Variants in PAPLN observed in about 807,000 individuals in gnomAD.
The protein encoded by PAPLN is papilin.
PAPLN carries 146 observed loss-of-function variants against 159.0 expected under a neutral mutation model. That is an observed-to-expected ratio of 0.92 (90% CI 0.80 to 1.05). The LOEUF (loss-of-function observed/expected upper bound fraction) is 1.05, where lower values mean the gene tolerates loss of function less well. Among genes scored for constraint, PAPLN ranks in the 50% least tolerant of loss-of-function variants. The pLI is 0.00. For synonymous variants in PAPLN, 734 were observed against 702.9 expected (o/e 1.04, Z -0.70); for missense variants, 1,720 against 1,743.9 (o/e 0.99, Z 0.24).
At position 73,259,277 on chromosome 14, in the gene PAPLN, G is replaced by A. The variant is rs756144793; in HGVS notation, c.1717G>A (p.Gly573Ser). ...PQESPASDSRGQWWAAQEHPS... is the reference protein window; with the variant it reads ...PQESPASDSRSQWWAAQEHPS... ...TTGCTTCTTCTTTCTAGACTCCAGA[G>A]GCCAGTGGTGGGCAGCCCAGGAACA... The change falls in exon 16 of 27, where the codon GGC becomes AGC. Residue 573 changes from glycine (G) to serine (S), a missense_variant. Gly to Ser is a moderately conservative substitution (Grantham distance 56). Transcript: ENST00000644200. 1.3e-5 allele frequency: 20 copies of A among 1,560,000 alleles called. No homozygotes were observed. In the East Asian group the frequency reaches 4.1e-4, roughly 32 times the overall value.
intron 26 of PAPLN, among the ~76,000 whole-genome samples, chr14:73,269,845 C>A (rs968556663): frequency 1.3e-5 from 2 of 148,382 alleles, no homozygotes; most frequent in Non-Finnish European, 3.0e-5. Flanking sequence ...GCCAGGAGCA[C>A]GGTTACACTC....
Position 73,259,360 on chromosome 14 carries a change from C to A in PAPLN, c.1800C>A (p.Gly600=), listed in dbSNP as rs1247156902. 1.9e-6 allele frequency: 3 copies of A among 1,612,084 alleles called. No homozygotes were observed. In the African/African-American group the frequency reaches 4.0e-5, roughly 22 times the overall value. The change falls in exon 16 of 27, where the codon GGC becomes GGA. Residue 600 remains glycine, a synonymous_variant. Coordinates refer to ENST00000644200, the MANE Select transcript of PAPLN (RefSeq NM_001365906.3). The stretch of plus-strand genomic sequence containing the variant: ...GAGGTGACCCCAGGGGCGACCAAGG[C>A]ACCCACCTGTCAGCCCTGGGCCCCG... ...GERGDPRGDQ[G]THLSALGPAP... is the part of the protein sequence containing the mutation.
At chr14:73,260,882 C>T in intron 17 of PAPLN, 53 bp downstream of exon 17, 1 of 1,492,144 alleles carries the variant, frequency 6.7e-7, no homozygotes. Context: ...TGAGCCTGCT[C>T]AGTGTCACTG....
Position 73,272,630 on chromosome 14 carries a change from G to GT in PAPLN, c.3806dup (p.Gln1270ProfsTer22), listed in dbSNP as rs1566715290. ...AGCTTCTGCTGTGCCAGCTGTTCAC[G>GT]TTTCCAGCCTCACGCTCAGCCCATC... On this transcript the variant is annotated frameshift_variant, in exon 27 of 27. Coordinates refer to ENST00000644200, the MANE Select transcript of PAPLN (RefSeq NM_001365906.3). LOFTEE classifies it high-confidence loss of function. The GT allele has an allele frequency of 6.3e-7, 1 of 1,591,714 alleles. No homozygotes were observed.
At chr14:73,263,325 G>A (rs976812458) in intron 19 of PAPLN, 36 of 485,852 alleles carry the variant, frequency 7.4e-5, no homozygotes, top group East Asian at 6.4e-4. Context: ...TGGGTCGAGC[G>A]TGTAGTTTAG....
rs1174406470 is a variant in PAPLN, at chr14:73,254,685, C to T, written c.1475C>T (p.Thr492Ile). ...LLSDQAWHVG[T>I]WGLCSKSCSS... ...AGTGACCAGGCCTGGCATGTTGGCACCTGGGGTCTAGTGAGTGCTCTCCAC... is the reference window on the plus strand; with the variant it reads ...AGTGACCAGGCCTGGCATGTTGGCATCTGGGGTCTAGTGAGTGCTCTCCAC... The change falls in exon 13 of 27, where the codon ACC becomes ATC. Residue 492 changes from threonine (T) to isoleucine (I), a missense_variant. Coordinates refer to ENST00000644200, the MANE Select transcript of PAPLN (RefSeq NM_001365906.3). 6.2e-7 allele frequency: 1 copy of T among 1,613,618 alleles called. No individual in the cohort carries two copies. Among genetic ancestry groups the T allele is most frequent in the African/African-American group, 1.3e-5 (1 of 74,908 alleles).
In PAPLN at chr14:73,268,682, A is replaced by T; in HGVS notation, c.3626A>T (p.Gln1209Leu). ...SYTCSAYQGS[Q>L]AVSRSTEVKV... ...ACGTGCAGTGCCTACCAGGGGAGCC[A>T]GGCAGTCAGCCGCAGCACCGAGGTG... Residue 1209 changes from glutamine to leucine, a missense_variant, in exon 26 of 27, where the codon CAG (glutamine) becomes CTG (leucine). By Grantham distance (113) the Gln-to-Leu change is moderately radical. Coordinates refer to ENST00000644200, the MANE Select transcript of PAPLN (RefSeq NM_001365906.3). 1 of 1,613,674 alleles carries T rather than the reference A, an allele frequency of 6.2e-7. No homozygotes were observed. Among genetic ancestry groups the T allele is most frequent in the South Asian group, 1.1e-5 (1 of 91,034 alleles).
intron 14 of PAPLN, among the ~76,000 whole-genome samples, chr14:73,257,410 A>ACGG (rs1555363032): frequency 5.3e-5 from 8 of 151,774 alleles, no homozygotes; most frequent in African/African-American, 1.9e-4. Flanking sequence ...GCATTATTTC[A>ACGG]GGGGGGGTCC....
rs199674160 is a variant in PAPLN at position 73,251,792 on chromosome 14, C to G, written c.799C>G (p.Arg267Gly). The change falls in exon 9 of 27, where the codon CGA (arginine) becomes GGA (glycine). Residue 267 changes from arginine (R) to glycine (G), a missense_variant. Arg to Gly is a moderately radical substitution (Grantham distance 125). Coordinates refer to ENST00000644200, the MANE Select transcript of PAPLN (RefSeq NM_001365906.3). Reference sequence around the variant, plus strand: ...TGCTGAGGGGGACCTGGCCCCTGAGCGACTCCATGCCCGGGGCCCCACCTC... The same window carrying G: ...TGCTGAGGGGGACCTGGCCCCTGAGGGACTCCATGCCCGGGGCCCCACCTC... The part of the protein sequence containing the change: ...RGAEGDLAPE[R>G]LHARGPTSEP... 1.2e-6 allele frequency: 2 copies of G among 1,605,760 alleles called. No individual in the cohort carries two copies. Among genetic ancestry groups the G allele is most frequent in the Non-Finnish European group, 1.7e-6 (2 of 1,177,456 alleles).
At chr14:73,249,795 A>T in intron 5 of PAPLN, 189 bp from the exon 6 acceptor site, 1 of 431,712 alleles carries the variant, frequency 2.3e-6, no homozygotes, top group African/African-American at 2.1e-5. Context: ...CTTCGACTTG[A>T]TCCTTAGAGG....
intron 5 of PAPLN, among the ~76,000 whole-genome samples, chr14:73,247,950 C>A (rs1884727803): frequency 1.3e-5 from 1 of 79,404 alleles, no homozygotes; most frequent in Non-Finnish European, 2.3e-5. Context: ...GGGACCGTGG[C>A]TGTGGGCATG....
intron 25 of PAPLN, 124 bp downstream of exon 25, chr14:73,266,955 C>T (rs1887276899): frequency 1.1e-6 from 1 of 930,002 alleles, no homozygotes; most frequent in Non-Finnish European, 1.7e-6. Flanking sequence ...AGGCCTGGTG[C>T]CAGGGGAGAG....
chr14:73,248,114 T>G (rs1171410944), intron 5 of PAPLN, among the ~76,000 whole-genome samples: 1 of 121,030 alleles, frequency 8.3e-6, no homozygotes, highest in Non-Finnish European at 1.7e-5. Flanking sequence ...TGTGCGCGTG[T>G]GTGTGTTGTG....
At chr14:73,256,532 C>CAAAAA (rs57667060) in intron 14 of PAPLN, among the ~76,000 whole-genome samples, 18 of 92,696 alleles carry the variant, frequency 1.9e-4, no homozygotes, top group East Asian at 5.9e-4. Context: ...GACTCTGTCT[C>CAAAAA]AAAAAAAAAA....
At position 73,254,550 on chromosome 14, in the gene PAPLN, G is replaced by C. The variant is rs1472091501; in HGVS notation, c.1340G>C (p.Ser447Thr). ...VSCGVGVRKR[S>T]VTCRGERGSL... is the part of the protein sequence containing the mutation. ...TGTGGCGTTGGCGTCCGGAAGCGGA[G>C]CGTTACTTGCCGGGGTGAAAGGGGT... Residue 447 changes from serine to threonine, a missense_variant, in exon 13 of 27, where the codon AGC becomes ACC. Ser to Thr is a moderately conservative substitution (Grantham distance 58). Transcript: ENST00000644200. The C allele has an allele frequency of 2.5e-6, 4 of 1,613,938 alleles. No homozygotes were observed. Among genetic ancestry groups the C allele is most frequent in the Non-Finnish European group, 3.4e-6 (4 of 1,179,938 alleles).
chr14:73,254,381 C>G, intron 12 of PAPLN, 132 bp from the exon 13 acceptor site: 1 of 1,145,410 alleles, frequency 8.7e-7, no homozygotes. Context: ...GTCAGCCTCT[C>G]TGGGCCTGGG....
Position 73,254,621 on chromosome 14 carries a change from C to G in PAPLN, c.1411C>G (p.Leu471Val). Residue 471 changes from leucine (L) to valine (V), a missense_variant, in exon 13 of 27, where the codon CTG becomes GTG. Transcript: ENST00000644200. Reference protein sequence around the residue: ...AACSLEDRPPLTEPCVHEDCP... With the variant: ...AACSLEDRPPVTEPCVHEDCP... ...GTGCTCCTTGGAAGACCGGCCACCT[C>G]TGACTGAGCCCTGTGTGCATGAGGA... 6.2e-7 allele frequency: 1 copy of G among 1,614,058 alleles called. No homozygotes were observed. Among genetic ancestry groups the G allele is most frequent in the Non-Finnish European group, 8.5e-7 (1 of 1,179,936 alleles).
rs143213374 is a variant in PAPLN, at chr14:73,254,540, C to T, written c.1330C>T (p.Arg444Trp). 422 of 1,613,886 alleles carry T rather than the reference C, an allele frequency of 2.6e-4. No homozygotes were observed. The highest frequency in any genetic ancestry group is 7.4e-4 in the South Asian group (67 of 91,092). Residue 444 changes from arginine to tryptophan, a missense_variant, in exon 13 of 27, where the codon CGG becomes TGG. Transcript: ENST00000644200. The stretch of plus-strand genomic sequence containing the variant: ...TTCTGTCAGTTGTGGCGTTGGCGTC[C>T]GGAAGCGGAGCGTTACTTGCCGGGG... Reference protein sequence around the residue: ...ECSVSCGVGVRKRSVTCRGER... With the variant: ...ECSVSCGVGVWKRSVTCRGER...
chr14:73,265,655 G>T lies in PAPLN; in HGVS notation c.3263+148G>T. On this transcript the variant is annotated intron_variant, in intron 23 of 26. Coordinates refer to ENST00000644200, the MANE Select transcript of PAPLN (RefSeq NM_001365906.3). This position sits in a 1 kb window ranked among gnomAD's most constrained non-coding sequence, Gnocchi z 4.1. ...GCCTCTTGAGAGATGGAGCAGCTGGGCAAAGGGCTCCTTGGGTTGGCTAAC... is the reference window on the plus strand; with the variant it reads ...GCCTCTTGAGAGATGGAGCAGCTGGTCAAAGGGCTCCTTGGGTTGGCTAAC... 1.7e-6 allele frequency: 2 copies of T among 1,199,574 alleles called. No individual in the cohort carries two copies. The highest frequency in any genetic ancestry group is 2.4e-4 in the Middle Eastern group (1 of 4,086). The allele number at this position is 1,199,574 out of a possible 1,614,324, so 74.3% of individuals were successfully genotyped here.
Sources: gnomAD v4.1 joint callset for allele counts (sites outside exome capture counted in the v4.1 genomes callset) on GRCh38, gnomAD v4.1.1 for gene constraint, Gnocchi (gnomAD v3.1) non-coding constraint, MANE v1.5 for transcripts, NCBI Gene and HGNC (gene_info 2026-07-23, HGNC 2026-07-21) for gene names.